GALNT16: variants seen among roughly 807,000 people sequenced by gnomAD.
GALNT16 encodes polypeptide N-acetylgalactosaminyltransferase 16, also known as UDP-GalNAc:polypeptide N-acetylgalactosaminyltransferase-like protein 1.
Under a neutral mutation model 76.1 loss-of-function variants are expected in GALNT16, and 40 were observed. The ratio of observed to expected loss-of-function variants is 0.53; its 90% CI spans 0.41 to 0.68. GALNT16 has a LOEUF of 0.68. Ranked by LOEUF, GALNT16 falls within the 30% of genes least tolerant of loss-of-function variation. The probability of loss-of-function intolerance (pLI) is 0.00; values close to 1 mark genes in which losing one functional copy is unlikely to be tolerated. For synonymous variants in GALNT16, 276 were observed against 285.2 expected, an observed-to-expected ratio of 0.97 and a Z score of 0.32; for missense variants, 621 against 731.9, an observed-to-expected ratio of 0.85 and a Z score of 1.75.
the GALNT16 span, among the ~76,000 whole-genome samples, chr14:69,378,015 A>AT: frequency 1.3e-5 from 2 of 152,144 alleles, no homozygotes; most frequent in Non-Finnish European, 2.9e-5. Context: ...CCCCCAACCC[A>AT]GCCTGGTCTG....
chr14:69,349,337 C>T (rs901959307), intron 14 of GALNT16: 2 of 152,248 alleles, frequency 1.3e-5, no homozygotes, highest in African/African-American at 4.8e-5. Context: ...TCAATTGCCC[C>T]TCTGGGGCTG....
At chr14:69,372,351 T>C in the GALNT16 span, among the ~76,000 whole-genome samples, 477 of 152,268 alleles carry the variant, frequency 3.1e-3, 4 homozygotes, top group African/African-American at 0.011. Flanking sequence ...TCTGTTGACA[T>C]AGAATCTTAT....
chr14:69,266,518 T>G (rs980574489), intron 1 of GALNT16, among the ~76,000 whole-genome samples: 1 of 152,182 alleles, frequency 6.6e-6, no homozygotes, highest in African/African-American at 2.4e-5. Flanking sequence ...GGCAAGAGAC[T>G]TATTTGAATT....
At chr14:69,363,192 G>A in the GALNT16 span, among the ~76,000 whole-genome samples, 2 of 152,148 alleles carry the variant, frequency 1.3e-5, no homozygotes, top group African/African-American at 2.4e-5. Flanking sequence ...GACAGTCCTC[G>A]GCCAGTGCCC....
At chr14:69,348,036 C>A in intron 14 of GALNT16, 34 bp downstream of exon 14, 2 of 1,610,840 alleles carry the variant, frequency 1.2e-6, no homozygotes, top group Non-Finnish European at 8.5e-7. Context: ...AGAGGCCCAG[C>A]AGCCCGAGGG....
At chr14:69,348,820 T>A (rs1380426461) in intron 14 of GALNT16, 1 of 152,258 alleles carries the variant, frequency 6.6e-6, no homozygotes, top group Non-Finnish European at 1.5e-5. Context: ...ACTCCCTTCC[T>A]GTCTTGGAGG....
At chr14:69,301,785 T>C (rs2044856122) in intron 1 of GALNT16, among the ~76,000 whole-genome samples, 1 of 152,070 alleles carries the variant, frequency 6.6e-6, no homozygotes, top group Non-Finnish European at 1.5e-5. Context: ...GCTCAGGAGT[T>C]TGAGACCAGC....
intron 1 of GALNT16, among the ~76,000 whole-genome samples, chr14:69,277,106 A>G (rs915714229): frequency 2.0e-5 from 3 of 152,250 alleles, no homozygotes; most frequent in African/African-American, 4.8e-5. Context: ...CCTGCAGGCC[A>G]ATCTGTAAAA....
intron 12 of GALNT16, among the ~76,000 whole-genome samples, chr14:69,346,096 G>C (rs2045560588): frequency 6.6e-6 from 1 of 151,400 alleles, no homozygotes; most frequent in Non-Finnish European, 1.5e-5. Flanking sequence ...GTCTTTCTGT[G>C]TTGCCCAGGC....
chr14:69,372,292 G>C, the GALNT16 span, among the ~76,000 whole-genome samples: 1 of 151,992 alleles, frequency 6.6e-6, no homozygotes, highest in Non-Finnish European at 1.5e-5. Flanking sequence ...CAGGCTCTTG[G>C]GGCAACATAC....
At chr14:69,357,613 A>G (rs2045702078), downstream of GALNT16, 2 of 152,212 alleles carry the variant, frequency 1.3e-5, no homozygotes, top group Admixed American at 6.5e-5. Context: ...GAGAAGGGAT[A>G]CTCATGGTGG....
chr14:69,277,810 C>T (rs533576086), intron 1 of GALNT16, among the ~76,000 whole-genome samples: 221 of 152,332 alleles, frequency 1.5e-3, no homozygotes, highest in African/African-American at 5.0e-3. Flanking sequence ...CTGTCTTCCA[C>T]AATGGTTGAA....
chr14:69,335,790 T>A (rs570211107), intron 9 of GALNT16, among the ~76,000 whole-genome samples: 1 of 152,168 alleles, frequency 6.6e-6, no homozygotes, highest in Non-Finnish European at 1.5e-5. Flanking sequence ...TATTCCTTTA[T>A]TGAAGGAAGG....
At chr14:69,272,240 G>C (rs1340045313) in intron 1 of GALNT16, among the ~76,000 whole-genome samples, 2 of 152,152 alleles carry the variant, frequency 1.3e-5, no homozygotes, top group East Asian at 3.9e-4. Flanking sequence ...GCATGCACTT[G>C]TAATCCCAGC....
Position 69,333,635 on chromosome 14 carries a change from T to C in GALNT16, c.967+35T>C, listed in dbSNP as rs369296228. On this transcript the variant is annotated intron_variant, in intron 9 of 14. Coordinates refer to ENST00000448469, the MANE Select transcript of GALNT16 (RefSeq NM_001168368.2). The surrounding 1 kb of genome is among the most constrained non-coding windows in gnomAD (Gnocchi z 4.2). ...GAAATAGTGACAGTGAAAATAACAG[T>C]AGCAGTAATAACCACAGTTAACCCT... 2 of 1,087,586 alleles carry C rather than the reference T, an allele frequency of 1.8e-6. No individual in the cohort carries two copies. The highest frequency in any genetic ancestry group is 2.3e-5 in the East Asian group (1 of 42,610). The allele number at this position is 1,087,586 out of a possible 1,614,324, so 67.4% of individuals were successfully genotyped here.
intron 1 of GALNT16, among the ~76,000 whole-genome samples, chr14:69,302,787 A>G (rs1017860409): frequency 6.6e-6 from 1 of 152,218 alleles, no homozygotes; most frequent in Non-Finnish European, 1.5e-5. Flanking sequence ...TAGTATAACT[A>G]TATCCCAATT....
At chr14:69,363,293 C>A in the GALNT16 span, among the ~76,000 whole-genome samples, 1 of 152,198 alleles carries the variant, frequency 6.6e-6, no homozygotes, top group Admixed American at 6.5e-5. Context: ...GAAGGACCCA[C>A]AGATATTATC....
intron 1 of GALNT16, among the ~76,000 whole-genome samples, chr14:69,268,039 C>T (rs1388402336): frequency 1.3e-5 from 2 of 152,214 alleles, no homozygotes; most frequent in Admixed American, 6.5e-5. Flanking sequence ...GGCCCTCATC[C>T]TTCCCCTTTC....
intron 1 of GALNT16, among the ~76,000 whole-genome samples, chr14:69,295,788 T>A (rs554245278): frequency 1.3e-5 from 2 of 151,800 alleles, no homozygotes; most frequent in Non-Finnish European, 2.9e-5. Flanking sequence ...CACAATATAT[T>A]TTTTTTTCTG....
Sources: allele counts gnomAD v4.1 joint callset (sites outside exome capture counted in the v4.1 genomes callset), GRCh38; gene constraint gnomAD v4.1.1; non-coding constraint Gnocchi (gnomAD v3.1); transcripts MANE v1.5; gene names NCBI Gene and HGNC (gene_info 2026-07-23, HGNC 2026-07-21).